KLHL1: variants seen among roughly 807,000 people sequenced by gnomAD.
KLHL1 encodes kelch-like protein 1.
In KLHL1, 47 loss-of-function variants were observed where a neutral mutation model predicts 77.7. The ratio of observed to expected loss-of-function variants is 0.60; its 90% CI spans 0.48 to 0.77. The LOEUF is 0.77. KLHL1 is among the 30% of genes least tolerant of loss of function. The pLI is 0.00. For synonymous variants in KLHL1, 360 were observed against 325.2 expected (o/e 1.11, Z -1.15); for missense variants, 925 against 910.8 (o/e 1.02, Z -0.20).
At chr13:69,788,921 A>G (rs982232287) in intron 7 of KLHL1, among the ~76,000 whole-genome samples, 15 of 152,252 alleles carry the variant, frequency 9.9e-5, no homozygotes, top group African/African-American at 3.6e-4. Flanking sequence ...TACAATGGCT[A>G]TTACAAAAAT....
chr13:69,770,987 G>A (rs1446533099), intron 7 of KLHL1, among the ~76,000 whole-genome samples: 1 of 152,176 alleles, frequency 6.6e-6, no homozygotes, highest in Non-Finnish European at 1.5e-5. Context: ...AAGCAAATGT[G>A]AAAGATACTA....
intron 9 of KLHL1, among the ~76,000 whole-genome samples, chr13:69,713,947 G>GA (rs1875994304): frequency 6.6e-6 from 1 of 152,018 alleles, no homozygotes; most frequent in Admixed American, 6.6e-5. Context: ...CACAATGTTA[G>GA]AAAAAAATCT....
intron 1 of KLHL1, among the ~76,000 whole-genome samples, chr13:70,084,870 T>A (rs1452178289): frequency 1.3e-5 from 2 of 151,962 alleles, no homozygotes; most frequent in African/African-American, 2.4e-5. Flanking sequence ...TTTCTTATAA[T>A]GAATGTAATA....
intron 5 of KLHL1, among the ~76,000 whole-genome samples, chr13:69,848,319 G>T (rs1593884527): frequency 6.6e-6 from 1 of 151,492 alleles, no homozygotes; most frequent in African/African-American, 2.4e-5. Context: ...AGATGTGATT[G>T]CCAACAGCCT....
chr13:69,739,815 G>C (rs1873910233), intron 8 of KLHL1, among the ~76,000 whole-genome samples: 1 of 152,088 alleles, frequency 6.6e-6, no homozygotes, highest in South Asian at 2.1e-4. Context: ...GGTTCTCATG[G>C]GGAAGACAGG....
At chr13:69,924,348 C>T (rs992701671) in intron 4 of KLHL1, among the ~76,000 whole-genome samples, 15 of 152,232 alleles carry the variant, frequency 9.9e-5, no homozygotes, top group African/African-American at 3.6e-4. Flanking sequence ...CATGGCTGTC[C>T]ATGAAGCAAT....
At chr13:69,736,572 A>T (rs1272807193) in intron 8 of KLHL1, among the ~76,000 whole-genome samples, 1 of 152,140 alleles carries the variant, frequency 6.6e-6, no homozygotes, top group African/African-American at 2.4e-5. Flanking sequence ...TCATTGTACA[A>T]AAAAGATACT....
intron 7 of KLHL1, among the ~76,000 whole-genome samples, chr13:69,791,985 C>A (rs9788380): frequency 6.6e-6 from 1 of 151,854 alleles, no homozygotes; most frequent in Non-Finnish European, 1.5e-5. Flanking sequence ...AATTGCAGAG[C>A]GTCAGGAGAA....
At chr13:69,970,484 T>C (rs1011508626) in intron 2 of KLHL1, among the ~76,000 whole-genome samples, 3 of 152,108 alleles carry the variant, frequency 2.0e-5, no homozygotes, top group African/African-American at 7.2e-5. Flanking sequence ...CCTGCCGATG[T>C]CCCAGGGGCA....
At chr13:69,873,399 G>A (rs1450733846) in intron 5 of KLHL1, among the ~76,000 whole-genome samples, 1 of 151,914 alleles carries the variant, frequency 6.6e-6, no homozygotes, top group East Asian at 1.9e-4. Flanking sequence ...TCTCAAATTA[G>A]GTATTAGAGG....
At chr13:69,935,207 T>TACTGGTGAACTTGGTACACAGTTCACCC (rs1883142413) in intron 4 of KLHL1, among the ~76,000 whole-genome samples, 1 of 118,426 alleles carries the variant, frequency 8.4e-6, no homozygotes, top group Non-Finnish European at 1.7e-5. Flanking sequence ...ACATAGTTGG[T>TACTGGTGAACTTGGTACACAGTTCACCC]ACTGGTGAAC....
chr13:69,781,289 T>C (rs12876159), intron 7 of KLHL1, among the ~76,000 whole-genome samples: 2,060 of 118,330 alleles, frequency 0.017, 20 homozygotes, highest in Non-Finnish European at 0.03. Context: ...TTCTTTCTTT[T>C]TTTTTTTTTT....
At chr13:70,044,396 G>A (rs1886447777) in intron 1 of KLHL1, among the ~76,000 whole-genome samples, 2 of 151,952 alleles carry the variant, frequency 1.3e-5, no homozygotes, top group South Asian at 4.2e-4. Flanking sequence ...TCTTATCACC[G>A]TACATTGTTT....
chr13:69,732,397 A>G (rs543629996), intron 8 of KLHL1, among the ~76,000 whole-genome samples: 1 of 152,238 alleles, frequency 6.6e-6, no homozygotes, highest in Non-Finnish European at 1.5e-5. Flanking sequence ...TAGTAATTTA[A>G]AAGAATGAGA....
rs141977026 is a variant in KLHL1, at chr13:69,808,537, TA to T, written c.1415-11576del. Among the ~76,000 whole-genome samples, 76 of 149,282 alleles carry T rather than the reference TA, an allele frequency of 5.1e-4. 1 individual carries two copies. Among genetic ancestry groups the T allele is most frequent in the Admixed American group, 5.0e-3 (75 of 15,136 alleles). ...ATACGCCACAGTCATATCCCCAAGG[TA>T]AAAAAAACAGAATAAAAAAATCAAG... On this transcript the variant is annotated intron_variant, in intron 6 of 10. Transcript: ENST00000377844.
chr13:69,736,996 C>G (rs375491092), intron 8 of KLHL1, among the ~76,000 whole-genome samples: 9 of 152,202 alleles, frequency 5.9e-5, no homozygotes, highest in African/African-American at 2.2e-4. Context: ...TACCAATTTT[C>G]TCTTATTAGG....
At chr13:69,932,035 T>A (rs1364408046) in intron 4 of KLHL1, among the ~76,000 whole-genome samples, 1 of 151,528 alleles carries the variant, frequency 6.6e-6, no homozygotes, top group Non-Finnish European at 1.5e-5. Flanking sequence ...GATTATGATA[T>A]CTAATTGTAT....
At chr13:70,088,104 G>A (rs1291148175) in intron 1 of KLHL1, among the ~76,000 whole-genome samples, 1 of 152,054 alleles carries the variant, frequency 6.6e-6, no homozygotes, top group Non-Finnish European at 1.5e-5. Context: ...TTTTTTAAAA[G>A]AAGCTCAAAC....
At position 69,932,349 on chromosome 13, in the gene KLHL1, G is replaced by A. The variant is rs531228444; in HGVS notation, c.1014+7691C>T. On this transcript the variant is annotated intron_variant, in intron 4 of 10. Coordinates refer to ENST00000377844, the MANE Select transcript of KLHL1 (RefSeq NM_020866.3). ...AAGCAAATTATTGATTTTATTTGTG[G>A]AAGACTGTGCTTTATAAGTTGAAAC... 2.3e-3 allele frequency among the ~76,000 whole-genome samples: 349 copies of A among 151,468 alleles called. 2 individuals carry two copies. The highest frequency in any genetic ancestry group is 2.9e-3 in the Non-Finnish European group (197 of 67,660).
Sources: gnomAD v4.1 joint callset for allele counts (sites outside exome capture counted in the v4.1 genomes callset) on GRCh38, gnomAD v4.1.1 for gene constraint, MANE v1.5 for transcripts, NCBI Gene and HGNC (gene_info 2026-07-23, HGNC 2026-07-21) for gene names.